ASAP1: variants seen among roughly 807,000 people sequenced by gnomAD.
The protein encoded by ASAP1 is ArfGAP with SH3 domain, ankyrin repeat and PH domain 1, also known as arf-GAP with SH3 domain, ANK repeat and PH domain-containing protein 1.
ASAP1 carries 43 observed loss-of-function variants against 145.2 expected under a neutral mutation model. The observed-to-expected ratio is 0.30, with a 90% CI of 0.23 to 0.38. The LOEUF (loss-of-function observed/expected upper bound fraction) is 0.38. Among genes scored for constraint, ASAP1 ranks in the 10% least tolerant of loss-of-function variants. The probability of loss-of-function intolerance (pLI) is 1.00; values close to 1 mark genes in which losing one functional copy is unlikely to be tolerated. For synonymous variants in ASAP1, 546 were observed against 515.5 expected, an observed-to-expected ratio of 1.06 and a Z score of -0.80; for missense variants, 1,018 against 1,355.3, an observed-to-expected ratio of 0.75 and a Z score of 3.91.
At position 130,214,697 on chromosome 8, in the gene ASAP1, A is replaced by G; in HGVS notation, c.264T>C (p.His88=). ...VKAIYNSGQD[H]VQNEENYAQV... ...GTGCATAGTTTTCTTCATTTTGTAC[A>G]TGATCTAAAAACAAAAAAGAAGAAG... The change falls in exon 5 of 30, where the codon CAT becomes CAC. Residue 88 remains histidine, a synonymous_variant. Transcript: ENST00000518721. The G allele has an allele frequency of 6.3e-7, 1 of 1,584,490 alleles. No individual in the cohort carries two copies. Among genetic ancestry groups the G allele is most frequent in the Non-Finnish European group, 8.6e-7 (1 of 1,169,422 alleles).
At chr8:130,146,784 C>T (rs1020275332) in intron 13 of ASAP1, among the ~76,000 whole-genome samples, 1 of 152,124 alleles carries the variant, frequency 6.6e-6, no homozygotes, top group Admixed American at 6.5e-5. Flanking sequence ...AGAAGAGACA[C>T]ATCCAATTCT....
intron 27 of ASAP1, among the ~76,000 whole-genome samples, chr8:130,065,034 C>T (rs1348690179): frequency 1.3e-5 from 2 of 151,742 alleles, no homozygotes; most frequent in Non-Finnish European, 2.9e-5. Flanking sequence ...GTCACCATGC[C>T]CAGCTATTTT....
At chr8:130,379,238 C>T (rs558079110) in intron 2 of ASAP1, among the ~76,000 whole-genome samples, 6 of 152,264 alleles carry the variant, frequency 3.9e-5, no homozygotes, top group South Asian at 2.1e-4. Flanking sequence ...ACTGTACCAC[C>T]GCCCCCTCCC....
At chr8:130,301,735 TA>T (rs1464421089) in intron 3 of ASAP1, among the ~76,000 whole-genome samples, 2 of 152,262 alleles carry the variant, frequency 1.3e-5, no homozygotes, top group Non-Finnish European at 2.9e-5. Flanking sequence ...TGTGTTGTTT[TA>T]TATCATGCTG....
chr8:130,079,299 G>A (rs2097472988), intron 26 of ASAP1, among the ~76,000 whole-genome samples: 1 of 152,030 alleles, frequency 6.6e-6, no homozygotes, highest in South Asian at 2.1e-4. Context: ...TCCTTTCCTT[G>A]GATGGCACCT....
chr8:130,101,852 C>T (rs760521200), intron 24 of ASAP1, among the ~76,000 whole-genome samples: 6 of 148,662 alleles, frequency 4.0e-5, no homozygotes, highest in Admixed American at 6.9e-5. Flanking sequence ...GGATTACAGG[C>T]ATGAAGCATC....
At position 130,227,561 on chromosome 8, in the gene ASAP1, C is replaced by T. The variant is rs1817657485; in HGVS notation, c.259+9361G>A. Among the ~76,000 whole-genome samples the T allele has an allele frequency of 2.0e-5, 3 of 151,786 alleles. No homozygotes were observed. The South Asian group carries it at 6.2e-4, about 31-fold the overall frequency. ...GCATGAGCCACACTGCACCTGGACT[C>T]TCCAAACTATTTTTAATCATCAATC... On this transcript the variant is annotated intron_variant, in intron 4 of 29. Transcript: ENST00000518721.
At chr8:130,154,259 C>T (rs544785216) in intron 12 of ASAP1, among the ~76,000 whole-genome samples, 1 of 151,796 alleles carries the variant, frequency 6.6e-6, no homozygotes, top group African/African-American at 2.4e-5. Flanking sequence ...TAAATGGTGA[C>T]CAAATCATTC....
At chr8:130,213,220 T>C (rs1227845382) in intron 5 of ASAP1, among the ~76,000 whole-genome samples, 1 of 152,264 alleles carries the variant, frequency 6.6e-6, no homozygotes, top group Admixed American at 6.5e-5. Context: ...CCGAAGTTTT[T>C]GAAAATAATA....
At chr8:130,373,079 C>T (rs1827295756) in intron 2 of ASAP1, among the ~76,000 whole-genome samples, 2 of 145,862 alleles carry the variant, frequency 1.4e-5, no homozygotes, top group Middle Eastern at 3.2e-3. Context: ...TAAGCACACA[C>T]AGACACCCCC....
intron 27 of ASAP1, among the ~76,000 whole-genome samples, chr8:130,063,860 C>T (rs984155796): frequency 2.6e-5 from 4 of 152,168 alleles, no homozygotes; most frequent in Admixed American, 6.5e-5. Context: ...AGAACTAGGG[C>T]CCTGCCTGCT....
intron 1 of ASAP1, among the ~76,000 whole-genome samples, chr8:130,443,224 C>A (rs972173554): frequency 6.6e-6 from 1 of 151,826 alleles, no homozygotes; most frequent in African/African-American, 2.4e-5. Flanking sequence ...CTCCCCCCCC[C>A]ACCGGGCGGC....
At chr8:130,383,412 G>A (rs964639686) in intron 2 of ASAP1, among the ~76,000 whole-genome samples, 2 of 152,196 alleles carry the variant, frequency 1.3e-5, no homozygotes, top group African/African-American at 4.8e-5. Flanking sequence ...ATCAAGGGGA[G>A]AAAGCCTGCC....
chr8:130,127,804 T>G, intron 16 of ASAP1, 123 bp downstream of exon 16: 1 of 1,055,620 alleles, frequency 9.5e-7, no homozygotes, highest in Non-Finnish European at 1.3e-6. Context: ...TGGGAATACG[T>G]GTTTTGTGTG....
intron 3 of ASAP1, among the ~76,000 whole-genome samples, chr8:130,343,353 G>A (rs759659156): frequency 6.6e-6 from 1 of 152,166 alleles, no homozygotes; most frequent in Non-Finnish European, 1.5e-5. Context: ...GCTAAGCAGA[G>A]AGTTTGAAAA....
At chr8:130,303,784 C>T (rs2791343) in intron 3 of ASAP1, among the ~76,000 whole-genome samples, 57,934 of 151,728 alleles carry the variant, frequency 0.38, 11,609 homozygotes, top group African/African-American at 0.5. Flanking sequence ...GAAGGAGAGA[C>T]GACTAGGTGG....
chr8:130,137,062 A>C, intron 13 of ASAP1, 24 bp from the exon 14 acceptor site: 1 of 1,587,630 alleles, frequency 6.3e-7, no homozygotes, highest in Non-Finnish European at 8.7e-7. Context: ...GAAAATGGAG[A>C]AGTTACATGC....
chr8:130,293,149 C>CT (rs1822047963), intron 3 of ASAP1, among the ~76,000 whole-genome samples: 1 of 152,210 alleles, frequency 6.6e-6, no homozygotes, highest in Non-Finnish European at 1.5e-5. Context: ...CCAAAGCTTG[C>CT]TTTTCACACT....
rs1564906032 is a variant in ASAP1, at chr8:130,053,552, A to C, written c.*1179T>G. ...GAGCTTAAGACTGGAAAAATTATCT[A>C]TAATTGGGGTTTAACAAAGAGCATG... On this transcript the variant is annotated 3_prime_UTR_variant, in exon 30 of 30. Transcript: ENST00000518721. 1 of 152,232 alleles carries C rather than the reference A, an allele frequency of 6.6e-6. No homozygotes were observed. Among genetic ancestry groups the C allele is most frequent in the Non-Finnish European group, 1.5e-5 (1 of 68,038 alleles). The allele number at this position is 152,232 out of a possible 1,614,324, so 9.4% of individuals were successfully genotyped here.
Sources: gnomAD v4.1 joint callset for allele counts (sites outside exome capture counted in the v4.1 genomes callset) on GRCh38, gnomAD v4.1.1 for gene constraint, MANE v1.5 for transcripts, NCBI Gene and HGNC (gene_info 2026-07-23, HGNC 2026-07-21) for gene names.